Variants in SOCS5 observed in about 807,000 individuals in gnomAD.
SOCS5 encodes CIS-6.
SOCS5 carries 32 observed loss-of-function variants against 42.8 expected under a neutral mutation model. The ratio of observed to expected loss-of-function variants is 0.75; its 90% CI spans 0.56 to 1.01. SOCS5 has a LOEUF of 1.01. SOCS5 is among the 50% of genes least tolerant of loss of function. SOCS5 has a pLI of 0.00. For missense variants in SOCS5, 627 were observed against 653.0 expected (o/e 0.96, Z 0.43); for synonymous variants, 283 against 229.6 (o/e 1.23, Z -2.10).
chr2:46,726,975 C>T (rs534261819), intron 1 of SOCS5, among the ~76,000 whole-genome samples: 12 of 151,852 alleles, frequency 7.9e-5, no homozygotes, highest in Non-Finnish European at 1.8e-4. Context: ...AGGCTGGTCT[C>T]GAACTCCCGA....
At chr2:46,721,067 C>T (rs567774835) in intron 1 of SOCS5, among the ~76,000 whole-genome samples, 38 of 152,226 alleles carry the variant, frequency 2.5e-4, no homozygotes, top group African/African-American at 8.7e-4. Context: ...TGTCTACTAC[C>T]TAGACATTAC....
intron 1 of SOCS5, among the ~76,000 whole-genome samples, chr2:46,741,091 A>G (rs1159729588): frequency 6.6e-6 from 1 of 151,908 alleles, no homozygotes; most frequent in African/African-American, 2.4e-5. Flanking sequence ...CCTGTAACCC[A>G]CCATTTATTT....
At chr2:46,707,698 C>T (rs1001353177) in intron 1 of SOCS5, among the ~76,000 whole-genome samples, 65 of 152,236 alleles carry the variant, frequency 4.3e-4, no homozygotes, top group African/African-American at 1.4e-3. Context: ...TCATAGCAGT[C>T]ATAAAGAGAA....
At chr2:46,703,710 G>A (rs1279294471) in intron 1 of SOCS5, among the ~76,000 whole-genome samples, 1 of 152,182 alleles carries the variant, frequency 6.6e-6, no homozygotes, top group African/African-American at 2.4e-5. Context: ...TGTGAACTGA[G>A]TAGGTGTAGA....
intron 1 of SOCS5, among the ~76,000 whole-genome samples, chr2:46,738,523 A>G (rs979228072): frequency 6.6e-6 from 1 of 152,190 alleles, no homozygotes; most frequent in Admixed American, 6.5e-5. Flanking sequence ...TTTTGGATAT[A>G]GTTAATTTGA....
intron 1 of SOCS5, among the ~76,000 whole-genome samples, chr2:46,729,167 C>T (rs1214014253): frequency 6.6e-6 from 1 of 152,216 alleles, no homozygotes; most frequent in Non-Finnish European, 1.5e-5. Context: ...ACTAGTTTTT[C>T]ACCATTGTTT....
intron 1 of SOCS5, among the ~76,000 whole-genome samples, chr2:46,713,145 C>G (rs1468649523): frequency 6.6e-6 from 1 of 152,170 alleles, no homozygotes; most frequent in Non-Finnish European, 1.5e-5. Context: ...CACTTGAGCC[C>G]AGAAGTTTGA....
intron 1 of SOCS5, among the ~76,000 whole-genome samples, chr2:46,753,942 A>G (rs979047219): frequency 6.6e-6 from 1 of 152,150 alleles, no homozygotes; most frequent in Admixed American, 6.6e-5. Context: ...TTCGGTTGTC[A>G]TCTGGTTTTG....
chr2:46,731,663 C>A (rs1309354806), intron 1 of SOCS5, among the ~76,000 whole-genome samples: 1 of 152,150 alleles, frequency 6.6e-6, no homozygotes, highest in Non-Finnish European at 1.5e-5. Context: ...CCACAGAAAC[C>A]AGCAAAATAC....
intron 1 of SOCS5, among the ~76,000 whole-genome samples, chr2:46,719,376 T>G (rs1672828286): frequency 6.6e-6 from 1 of 152,226 alleles, no homozygotes; most frequent in Non-Finnish European, 1.5e-5. Context: ...AGGCAGTCTC[T>G]CATGTTTCAT....
rs370436842 is a variant in SOCS5 at position 46,754,641 on chromosome 2, C to T, written c.-12-3878C>T. Among the ~76,000 whole-genome samples the T allele has an allele frequency of 2.2e-4, 34 of 151,914 alleles. No individual in the cohort carries two copies. The South Asian group carries it at 3.5e-3, about 16-fold the overall frequency. On this transcript the variant is annotated intron_variant, in intron 1 of 1. Coordinates refer to ENST00000394861, the MANE Select transcript of SOCS5 (RefSeq NM_144949.3). ...CTACTGTATTAATATATCATGTACA[C>T]TGTAATAGTGTAACTCTAAGGTTGA... is the stretch of plus-strand genomic sequence containing the variant.
rs1414961871 is a variant in SOCS5 at position 46,759,474 on chromosome 2, C to G, written c.944C>G (p.Ser315Cys). The part of the protein sequence containing the change: ...PGMTEISGDS[S>C]AIPQANCDSE... ...ATGACTGAAATAAGTGGGGACAGTT[C>G]TGCAATTCCACAAGCTAATTGTGAC... is the stretch of plus-strand genomic sequence containing the variant. The change falls in exon 2 of 2, where the codon TCT becomes TGT. Residue 315 changes from serine to cysteine, a missense_variant. Ser to Cys is a moderately radical substitution (Grantham distance 112). Around this residue, in one of 3 missense-constraint regions of SOCS5, gnomAD observed 340 missense variants for 367.6 expected, o/e 0.92. Transcript: ENST00000394861. 3 of 1,613,892 alleles carry G rather than the reference C, an allele frequency of 1.9e-6. No homozygotes were observed. The highest frequency in any genetic ancestry group is 1.6e-4 in the Middle Eastern group (1 of 6,078).
intron 1 of SOCS5, among the ~76,000 whole-genome samples, chr2:46,709,178 C>G (rs6748938): frequency 0.71 from 107,385 of 152,086 alleles, 39,069 homozygotes; most frequent in African/African-American, 0.87. Context: ...ACCTTCTTTA[C>G]TATCTATTCC....
chr2:46,707,967 G>C (rs1332539786), intron 1 of SOCS5, among the ~76,000 whole-genome samples: 1 of 152,186 alleles, frequency 6.6e-6, no homozygotes, highest in East Asian at 1.9e-4. Flanking sequence ...ATAATAAAGT[G>C]TTGAATATCT....
Position 46,760,400 on chromosome 2 carries a change from G to A in SOCS5, c.*259G>A, listed in dbSNP as rs565737841. On this transcript the variant is annotated 3_prime_UTR_variant, in exon 2 of 2. Coordinates refer to ENST00000394861, the MANE Select transcript of SOCS5 (RefSeq NM_144949.3). ...TTCGCTAACAGTTTGGTTTTTAATG[G>A]CTGTGGTATTTGAGTGAGGCAACTC... 2.3e-5 allele frequency: 9 copies of A among 385,536 alleles called. No homozygotes were observed. The highest frequency in any genetic ancestry group is 4.3e-5 in the Non-Finnish European group (9 of 206,940). The allele number at this position is 385,536 out of a possible 1,614,324, so 23.9% of individuals were successfully genotyped here. A position where few individuals can be genotyped will look rare whatever the true frequency, so the allele number is the denominator to read the frequency against.
At chr2:46,713,412 A>G (rs1672671837) in intron 1 of SOCS5, among the ~76,000 whole-genome samples, 2 of 152,178 alleles carry the variant, frequency 1.3e-5, no homozygotes, top group Non-Finnish European at 2.9e-5. Context: ...CTGTTTTGGT[A>G]ATTTGCATTT....
At chr2:46,731,653 C>T (rs1461761395) in intron 1 of SOCS5, among the ~76,000 whole-genome samples, 1 of 152,142 alleles carries the variant, frequency 6.6e-6, no homozygotes, top group Non-Finnish European at 1.5e-5. Context: ...GGTACATATA[C>T]CACAGAAACC....
intron 1 of SOCS5, among the ~76,000 whole-genome samples, chr2:46,754,806 AAAAT>A (rs1284403220): frequency 1.3e-5 from 2 of 152,234 alleles, no homozygotes; most frequent in African/African-American, 4.8e-5. Flanking sequence ...ATAACAATTA[AAAAT>A]AAATCATTTT....
intron 1 of SOCS5, among the ~76,000 whole-genome samples, chr2:46,728,285 G>A (rs961931450): frequency 1.3e-5 from 2 of 152,056 alleles, no homozygotes; most frequent in African/African-American, 4.8e-5. Flanking sequence ...AAGCATTCTG[G>A]GGTTTTATAG....
Sources: allele counts gnomAD v4.1 joint callset (sites outside exome capture counted in the v4.1 genomes callset), GRCh38; gene constraint gnomAD v4.1.1; regional missense constraint gnomAD v4.1.1; transcripts MANE v1.5; gene names NCBI Gene and HGNC (gene_info 2026-07-23, HGNC 2026-07-21).